ARHGAP42: variants seen among roughly 807,000 people sequenced by gnomAD.
ARHGAP42 encodes the protein rho GTPase-activating protein 42.
In ARHGAP42, 63 loss-of-function variants were observed where a neutral mutation model predicts 125.0. The ratio of observed to expected loss-of-function variants is 0.50; its 90% CI spans 0.41 to 0.62. The LOEUF (loss-of-function observed/expected upper bound fraction) is 0.62. Ranked by LOEUF, ARHGAP42 falls within the 20% of genes least tolerant of loss-of-function variation. The pLI, the probability that ARHGAP42 is intolerant of heterozygous loss-of-function variation, is 0.00. For synonymous variants in ARHGAP42, 339 were observed against 351.0 expected (o/e 0.97, Z 0.38); for missense variants, 766 against 1,024.2 (o/e 0.75, Z 3.44).
chr11:100,950,909 T>C (rs1294031104), intron 12 of ARHGAP42, among the ~76,000 whole-genome samples: 1 of 151,994 alleles, frequency 6.6e-6, no homozygotes, highest in African/African-American at 2.4e-5. Flanking sequence ...AGAGATGAGG[T>C]CTCATTTTGT....
rs1375689927 is a variant in ARHGAP42 at position 100,789,180 on chromosome 11, C to A, written c.251-5925C>A. Among the ~76,000 whole-genome samples the A allele has an allele frequency of 3.3e-5, 5 of 152,148 alleles. No individual in the cohort carries two copies. In the East Asian group the frequency reaches 9.6e-4, roughly 29 times the overall value. On this transcript the variant is annotated intron_variant, in intron 2 of 23. Transcript: ENST00000298815. Reference sequence around the variant, plus strand: ...GGCTTTACAGAGCCTACACTGTCATCCAAATGGAAAAGTAAGGTTATTGTT... The same window carrying A: ...GGCTTTACAGAGCCTACACTGTCATACAAATGGAAAAGTAAGGTTATTGTT...
At chr11:100,716,661 G>A (rs979280343) in intron 1 of ARHGAP42, among the ~76,000 whole-genome samples, 6 of 152,202 alleles carry the variant, frequency 3.9e-5, no homozygotes, top group East Asian at 1.9e-4. Context: ...GAATTTCACC[G>A]TAAAAATATG....
chr11:100,778,829 A>G (rs1447828937), intron 2 of ARHGAP42, among the ~76,000 whole-genome samples: 1 of 152,202 alleles, frequency 6.6e-6, no homozygotes, highest in Non-Finnish European at 1.5e-5. Context: ...ACAAGCCTGG[A>G]AAGAAATTTA....
intron 1 of ARHGAP42, among the ~76,000 whole-genome samples, chr11:100,730,526 C>T (rs1000186281): frequency 2.0e-5 from 3 of 152,150 alleles, no homozygotes; most frequent in Admixed American, 6.5e-5. Flanking sequence ...TGAATATGCA[C>T]GTTAGAGCTT....
chr11:100,771,745 C>T (rs1404810920), intron 2 of ARHGAP42, among the ~76,000 whole-genome samples: 3 of 152,024 alleles, frequency 2.0e-5, no homozygotes, highest in Admixed American at 6.6e-5. Context: ...ACTACAGGCA[C>T]CCGCCACCAT....
chr11:100,932,804 C>G (rs1281170653), intron 6 of ARHGAP42, among the ~76,000 whole-genome samples: 4 of 152,110 alleles, frequency 2.6e-5, no homozygotes, highest in Admixed American at 2.0e-4. Context: ...CTTTTATCCC[C>G]TTGTTTTGAT....
Position 100,687,597 on chromosome 11 carries a change from G to C in ARHGAP42, c.-82G>C. Reference sequence around the variant, plus strand: ...CCTTCCCCGCGATCGCGCGACCCCAGCGCCCGCCGCGGCCGCCGGCTGCCC... The same window carrying C: ...CCTTCCCCGCGATCGCGCGACCCCACCGCCCGCCGCGGCCGCCGGCTGCCC... On this transcript the variant is annotated 5_prime_UTR_variant, in exon 1 of 24. Coordinates refer to ENST00000298815, the MANE Select transcript of ARHGAP42 (RefSeq NM_152432.4). 1 of 1,131,324 alleles carries C rather than the reference G, an allele frequency of 8.8e-7. No homozygotes were observed. The highest frequency in any genetic ancestry group is 1.1e-6 in the Non-Finnish European group (1 of 910,304). The allele number at this position is 1,131,324 out of a possible 1,614,324, so 70.1% of individuals were successfully genotyped here.
intron 1 of ARHGAP42, among the ~76,000 whole-genome samples, chr11:100,691,647 C>T (rs1329454453): frequency 6.6e-6 from 1 of 152,284 alleles, no homozygotes; most frequent in Admixed American, 6.5e-5. Context: ...TCCCCAGTAG[C>T]TGGGACCATA....
At chr11:100,771,142 A>C (rs1862968491) in intron 2 of ARHGAP42, among the ~76,000 whole-genome samples, 1 of 152,182 alleles carries the variant, frequency 6.6e-6, no homozygotes, top group Non-Finnish European at 1.5e-5. Context: ...ATGATTCCCT[A>C]AACCAGTGTT....
chr11:100,845,734 T>C (rs984471225), intron 3 of ARHGAP42, among the ~76,000 whole-genome samples: 1 of 152,202 alleles, frequency 6.6e-6, no homozygotes, highest in Admixed American at 6.6e-5. Flanking sequence ...TGCCCTCGTT[T>C]TCACCTTTTT....
Position 100,976,070 on chromosome 11 carries a change from C to T in ARHGAP42, c.1869C>T (p.Ser623=). 6.5e-7 allele frequency: 1 copy of T among 1,528,268 alleles called. No homozygotes were observed. Among genetic ancestry groups the T allele is most frequent in the Non-Finnish European group, 8.8e-7 (1 of 1,135,848 alleles). 94.7% of individuals were successfully genotyped at this position (1,528,268 alleles called of 1,614,324 possible). A position where few individuals can be genotyped will look rare whatever the true frequency, so the allele number is the denominator to read the frequency against. Residue 623 remains serine (S), a synonymous_variant, in exon 20 of 24, where the codon AGC becomes AGT. Transcript: ENST00000298815. ...CCTACTCCTTAGGTGACTCCTATAG[C>T]AGCAGCCCAGACAGCACACCTATGG... ...CLAEPDSDSY[S]SSPDSTPMGS... is the part of the protein sequence containing the mutation.
At position 100,789,450 on chromosome 11, in the gene ARHGAP42, A is replaced by G. The variant is rs933259822; in HGVS notation, c.251-5655A>G. On this transcript the variant is annotated intron_variant, in intron 2 of 23. Transcript: ENST00000298815. ...GGAAAAAATGCTTGCAAGATCGTAG[A>G]CAGTTTTGATATGGCTTTACTCTCT... Among the ~76,000 whole-genome samples, 3 of 152,276 alleles carry G rather than the reference A, an allele frequency of 2.0e-5. No homozygotes were observed. The East Asian group carries it at 5.8e-4, about 29-fold the overall frequency.
At chr11:100,978,857 A>C in intron 21 of ARHGAP42, 130 bp from the exon 22 acceptor site, 1 of 815,414 alleles carries the variant, frequency 1.2e-6, no homozygotes, top group Non-Finnish European at 2.0e-6. Flanking sequence ...AACAATTAAA[A>C]TTCCCTTCTA....
intron 4 of ARHGAP42, among the ~76,000 whole-genome samples, chr11:100,899,722 G>GTTTTT (rs767815247): frequency 4.5e-5 from 3 of 67,226 alleles, no homozygotes; most frequent in African/African-American, 1.7e-4. Flanking sequence ...TTTGTGTTTT[G>GTTTTT]TTTTTTTTTT....
At chr11:100,780,972 C>T (rs1175547021) in intron 2 of ARHGAP42, among the ~76,000 whole-genome samples, 1 of 152,142 alleles carries the variant, frequency 6.6e-6, no homozygotes, top group Non-Finnish European at 1.5e-5. Context: ...GTGTTATGGG[C>T]ACAGCTTGCA....
chr11:100,945,306 CT>C (rs1157133738), intron 10 of ARHGAP42, among the ~76,000 whole-genome samples: 2 of 144,350 alleles, frequency 1.4e-5, no homozygotes, highest in Non-Finnish European at 3.0e-5. Context: ...TCTTGAACCC[CT>C]CCAACTCATC....
At chr11:100,933,648 A>T (rs1867646697) in intron 7 of ARHGAP42, among the ~76,000 whole-genome samples, 2 of 152,198 alleles carry the variant, frequency 1.3e-5, no homozygotes, top group African/African-American at 4.8e-5. Context: ...ATATTAATTA[A>T]CTTGATTGTG....
chr11:100,869,397 T>C (rs1317155003), intron 4 of ARHGAP42, among the ~76,000 whole-genome samples: 1 of 133,944 alleles, frequency 7.5e-6, no homozygotes, highest in Non-Finnish European at 1.7e-5. Context: ...GGAATGTAAA[T>C]CTTTCCTCTT....
intron 1 of ARHGAP42, among the ~76,000 whole-genome samples, chr11:100,767,656 C>T (rs545739109): frequency 1.3e-5 from 2 of 151,862 alleles, no homozygotes; most frequent in African/African-American, 2.4e-5. Context: ...TTGGTGGTGG[C>T]GAGGAGGGGA....
Sources: allele counts gnomAD v4.1 joint callset (sites outside exome capture counted in the v4.1 genomes callset), GRCh38; gene constraint gnomAD v4.1.1; transcripts MANE v1.5; gene names NCBI Gene and HGNC (gene_info 2026-07-23, HGNC 2026-07-21).